The following SETBP1 variants were observed in gnomAD, a reference collection of about 807,000 sequenced individuals.
The protein encoded by SETBP1 is SET-binding protein.
A neutral mutation model predicts 101.0 loss-of-function variants in SETBP1; 9 were observed. The observed-to-expected ratio is 0.09, with a 90% CI of 0.05 to 0.16. SETBP1 has a LOEUF of 0.16. Ranked by LOEUF, SETBP1 falls within the 10% of genes least tolerant of loss-of-function variation. The pLI is 1.00. For synonymous variants in SETBP1, 818 were observed against 788.5 expected (o/e 1.04, Z -0.63); for missense variants, 1,858 against 2,033.8 (o/e 0.91, Z 1.66).
At chr18:44,848,858 A>T (rs961268665) in intron 2 of SETBP1, among the ~76,000 whole-genome samples, 4 of 152,248 alleles carry the variant, frequency 2.6e-5, no homozygotes, top group African/African-American at 9.6e-5. Context: ...CACTCTGTGC[A>T]TTGCACAGCT....
At chr18:44,938,070 G>A (rs2071002997) in intron 3 of SETBP1, among the ~76,000 whole-genome samples, 1 of 152,208 alleles carries the variant, frequency 6.6e-6, no homozygotes, top group Non-Finnish European at 1.5e-5. Flanking sequence ...GAAGCAGGGA[G>A]TGGGGGAGCA....
At chr18:44,749,303 T>C (rs1343507580) in intron 2 of SETBP1, among the ~76,000 whole-genome samples, 1 of 152,228 alleles carries the variant, frequency 6.6e-6, no homozygotes, top group African/African-American at 2.4e-5. Flanking sequence ...CAAGTGATAC[T>C]CTGGCCTTCA....
chr18:44,888,385 A>C (rs532080739), intron 3 of SETBP1, among the ~76,000 whole-genome samples: 1 of 152,084 alleles, frequency 6.6e-6, no homozygotes, highest in East Asian at 1.9e-4. Context: ...TGCTTGGAGG[A>C]GCCTTTTTTC....
At chr18:44,699,607 G>A in intron 1 of SETBP1, among the ~76,000 whole-genome samples, 1 of 152,206 alleles carries the variant, frequency 6.6e-6, no homozygotes. Flanking sequence ...GCTCAACAGT[G>A]TCAGTGAAGA....
chr18:45,061,648 G>A (rs1043499090), intron 5 of SETBP1, among the ~76,000 whole-genome samples: 4 of 152,178 alleles, frequency 2.6e-5, no homozygotes, highest in Non-Finnish European at 4.4e-5. Context: ...GGCAATCTGT[G>A]CTGGGCACAG....
At chr18:44,767,444 G>A (rs2070783297) in intron 2 of SETBP1, among the ~76,000 whole-genome samples, 1 of 152,238 alleles carries the variant, frequency 6.6e-6, no homozygotes, top group South Asian at 2.1e-4. Context: ...GTCACCACCT[G>A]TGACTTGGGT....
At chr18:44,972,823 C>T (rs1011947230) in intron 4 of SETBP1, among the ~76,000 whole-genome samples, 4 of 152,176 alleles carry the variant, frequency 2.6e-5, no homozygotes, top group African/African-American at 9.7e-5. Flanking sequence ...CATCTGCAGA[C>T]AGGGACAATT....
chr18:44,882,580 C>G (rs2069555176), intron 3 of SETBP1, among the ~76,000 whole-genome samples: 1 of 151,984 alleles, frequency 6.6e-6, no homozygotes. Flanking sequence ...AAAGAATTCT[C>G]CAAATTCAAA....
In SETBP1 at chr18:45,063,288, C is replaced by T. The variant is rs2145593329; in HGVS notation, c.4381C>T (p.Pro1461Ser). 1.2e-6 allele frequency: 2 copies of T among 1,609,264 alleles called. No individual in the cohort carries two copies. The highest frequency in any genetic ancestry group is 4.5e-5 in the East Asian group (2 of 44,574). Residue 1461 changes from proline (P) to serine (S), a missense_variant, in exon 6 of 6, where the codon CCC becomes TCC. Coordinates refer to ENST00000649279, the MANE Select transcript of SETBP1 (RefSeq NM_015559.3). ...KKRRGRPRKQ[P>S]TQFDEDSRDQ... ...GAGGCGCGGGCGTCCCAGGAAGCAG[C>T]CCACCCAGTTCGATGAGGACTCCAG...
At chr18:45,028,904 G>C (rs1291864685) in intron 4 of SETBP1, among the ~76,000 whole-genome samples, 1 of 152,150 alleles carries the variant, frequency 6.6e-6, no homozygotes, top group Non-Finnish European at 1.5e-5. Context: ...GTAGATTCTG[G>C]ATATTAGCCC....
At chr18:45,045,979 G>T (rs1007458073) in intron 5 of SETBP1, among the ~76,000 whole-genome samples, 2 of 152,012 alleles carry the variant, frequency 1.3e-5, no homozygotes, top group African/African-American at 4.8e-5. Flanking sequence ...GGTGCCTTCA[G>T]CTCTAACAAG....
intron 2 of SETBP1, among the ~76,000 whole-genome samples, chr18:44,740,700 T>G (rs1282179067): frequency 6.6e-6 from 1 of 152,216 alleles, no homozygotes. Context: ...TGGAGTTTAT[T>G]TGTGGAAAAG....
At chr18:44,706,176 G>A (rs988975002) in intron 2 of SETBP1, among the ~76,000 whole-genome samples, 3 of 152,088 alleles carry the variant, frequency 2.0e-5, no homozygotes, top group Admixed American at 6.5e-5. Flanking sequence ...TGGGACCAAC[G>A]TGGTTGCAAC....
intron 4 of SETBP1, among the ~76,000 whole-genome samples, chr18:45,020,250 C>A (rs1259290677): frequency 1.0e-4 from 10 of 99,504 alleles, no homozygotes; most frequent in African/African-American, 3.6e-4. Context: ...CAGAGCAAGA[C>A]TCTGTCTTAA....
intron 2 of SETBP1, among the ~76,000 whole-genome samples, chr18:44,858,808 A>T (rs1283434461): frequency 6.6e-6 from 1 of 152,192 alleles, no homozygotes; most frequent in Non-Finnish European, 1.5e-5. Flanking sequence ...GTGGTAATAG[A>T]GATGGCTTAC....
intron 2 of SETBP1, among the ~76,000 whole-genome samples, chr18:44,734,641 T>C (rs1209116267): frequency 6.6e-6 from 1 of 152,118 alleles, no homozygotes; most frequent in African/African-American, 2.4e-5. Context: ...ATCTAGTCAA[T>C]ACTTACCTCT....
chr18:44,785,450 T>G (rs2071221217), intron 2 of SETBP1, among the ~76,000 whole-genome samples: 1 of 152,230 alleles, frequency 6.6e-6, no homozygotes, highest in Non-Finnish European at 1.5e-5. Context: ...GATTACCTCT[T>G]AATTGTATTG....
At chr18:44,788,790 ATTTTTTTTTTTTTTT>A (rs34929410) in intron 2 of SETBP1, among the ~76,000 whole-genome samples, 1 of 80,434 alleles carries the variant, frequency 1.2e-5, no homozygotes, top group Admixed American at 1.7e-4. Context: ...TTCCTTTTTA[ATTTTTTTTTTTTTTT>A]TTTTTTTTTG....
intron 1 of SETBP1, among the ~76,000 whole-genome samples, chr18:44,681,830 G>A (rs546190250): frequency 6.6e-6 from 1 of 152,108 alleles, no homozygotes; most frequent in East Asian, 1.9e-4. Context: ...ATAATCTCAC[G>A]GTTGACATCT....
Sources: allele counts gnomAD v4.1 joint callset (sites outside exome capture counted in the v4.1 genomes callset), GRCh38; gene constraint gnomAD v4.1.1; transcripts MANE v1.5; gene names NCBI Gene and HGNC (gene_info 2026-07-23, HGNC 2026-07-21).